CSGALNACT1: variants seen among roughly 807,000 people sequenced by gnomAD.
CSGALNACT1 encodes chondroitin sulfate N-acetylgalactosaminyltransferase 1.
In CSGALNACT1, 52 loss-of-function variants were observed where a neutral mutation model predicts 51.0. That is an observed-to-expected ratio of 1.02 (90% CI 0.82 to 1.29). The LOEUF (loss-of-function observed/expected upper bound fraction) is 1.29, where lower values mean the gene tolerates loss of function less well. Among genes scored for constraint, CSGALNACT1 ranks in the 50% most tolerant of loss-of-function variants. The pLI is 0.00. For synonymous variants in CSGALNACT1, 341 were observed against 254.4 expected, an observed-to-expected ratio of 1.34 and a Z score of -3.24; for missense variants, 935 against 679.2, an observed-to-expected ratio of 1.38 and a Z score of -4.19.
intron 1 of CSGALNACT1, among the ~76,000 whole-genome samples, chr8:19,665,818 T>G (rs1016712540): frequency 5.3e-5 from 8 of 152,222 alleles, no homozygotes; most frequent in African/African-American, 1.9e-4. Flanking sequence ...AAAAATGTGT[T>G]CTTCGCTACG....
chr8:19,579,598 A>G (rs1187673923), intron 3 of CSGALNACT1, among the ~76,000 whole-genome samples: 2 of 152,250 alleles, frequency 1.3e-5, no homozygotes, highest in African/African-American at 4.8e-5. Context: ...CTACCATACT[A>G]TAAGATCCTC....
intron 3 of CSGALNACT1, among the ~76,000 whole-genome samples, chr8:19,511,166 G>T (rs147759116): frequency 1.4e-4 from 22 of 152,348 alleles, no homozygotes; most frequent in African/African-American, 5.3e-4. Flanking sequence ...TACAATGACA[G>T]GCCTTGTAAG....
At chr8:19,536,671 C>T (rs4472532) in intron 3 of CSGALNACT1, among the ~76,000 whole-genome samples, 20,752 of 151,994 alleles carry the variant, frequency 0.14, 1,912 homozygotes, top group African/African-American at 0.26. Flanking sequence ...ATTATAGAAT[C>T]TACGTAAGAA....
intron 3 of CSGALNACT1, among the ~76,000 whole-genome samples, chr8:19,587,297 C>T (rs1284185347): frequency 6.6e-6 from 1 of 152,234 alleles, no homozygotes; most frequent in Admixed American, 6.5e-5. Context: ...TTCAGAAACA[C>T]TGGCTTAGTC....
intron 1 of CSGALNACT1, among the ~76,000 whole-genome samples, chr8:19,756,678 C>T (rs977000522): frequency 6.6e-6 from 1 of 152,134 alleles, no homozygotes; most frequent in Non-Finnish European, 1.5e-5. Flanking sequence ...ACATCCCCCA[C>T]TAGCCCGGTC....
intron 1 of CSGALNACT1, among the ~76,000 whole-genome samples, chr8:19,754,131 G>A (rs1488353595): frequency 7.2e-5 from 11 of 151,966 alleles, no homozygotes; most frequent in East Asian, 5.8e-4. Flanking sequence ...TGGTTCAGGC[G>A]ATTCTCCTGC....
At chr8:19,557,571 G>T (rs2039748646) in intron 3 of CSGALNACT1, among the ~76,000 whole-genome samples, 2 of 152,106 alleles carry the variant, frequency 1.3e-5, no homozygotes, top group Non-Finnish European at 2.9e-5. Flanking sequence ...ACCAGCATTT[G>T]TACTTTCTCT....
chr8:19,606,223 G>A (rs2051345325), upstream of CSGALNACT1, among the ~76,000 whole-genome samples: 1 of 152,184 alleles, frequency 6.6e-6, no homozygotes, highest in African/African-American at 2.4e-5. Context: ...TTCCCAGTGA[G>A]ATCTTCTTTG....
intron 1 of CSGALNACT1, among the ~76,000 whole-genome samples, chr8:19,667,202 C>T (rs1279031786): frequency 6.6e-6 from 1 of 150,620 alleles, no homozygotes. Flanking sequence ...GGGTGGATCG[C>T]TTGAGCTCTG....
At chr8:19,599,265 G>A (rs1268981130) in intron 2 of CSGALNACT1, among the ~76,000 whole-genome samples, 1 of 151,780 alleles carries the variant, frequency 6.6e-6, no homozygotes, top group African/African-American at 2.4e-5. Flanking sequence ...TTGGAAATGT[G>A]GTTCCATTTC....
intron 1 of CSGALNACT1, among the ~76,000 whole-genome samples, chr8:19,620,823 T>C (rs2053727597): frequency 2.0e-5 from 3 of 152,188 alleles, no homozygotes; most frequent in Non-Finnish European, 4.4e-5. Flanking sequence ...CACTCTGGTA[T>C]GTAGCCACGG....
intron 1 of CSGALNACT1, among the ~76,000 whole-genome samples, chr8:19,639,899 A>C (rs930316469): frequency 6.0e-5 from 9 of 150,634 alleles, no homozygotes; most frequent in African/African-American, 2.2e-4. Context: ...TTGTTTTTTT[A>C]ATGAGACAGT....
intron 3 of CSGALNACT1, among the ~76,000 whole-genome samples, chr8:19,512,184 G>A (rs574361708): frequency 1.3e-5 from 2 of 152,316 alleles, no homozygotes; most frequent in South Asian, 2.1e-4. Flanking sequence ...AAGCTGCTGT[G>A]TTGTGAGCAG....
chr8:19,630,321 AAATT>A (rs758324461), intron 1 of CSGALNACT1, among the ~76,000 whole-genome samples: 3 of 152,086 alleles, frequency 2.0e-5, no homozygotes, highest in Non-Finnish European at 4.4e-5. Flanking sequence ...TAATTTAAAA[AAATT>A]AATAGAGTTT....
chr8:19,653,420 T>A (rs1428253647), intron 1 of CSGALNACT1, among the ~76,000 whole-genome samples: 1 of 152,192 alleles, frequency 6.6e-6, no homozygotes, highest in Non-Finnish European at 1.5e-5. Flanking sequence ...GCCTGTTGTG[T>A]GCCTCAGGGG....
intron 2 of CSGALNACT1, among the ~76,000 whole-genome samples, chr8:19,592,837 G>A (rs2048122959): frequency 1.3e-5 from 2 of 152,260 alleles, no homozygotes; most frequent in Middle Eastern, 6.8e-3. Context: ...TCTAAGTAAA[G>A]AACACATAAG....
At chr8:19,423,128 C>T (rs2058210126) in intron 6 of CSGALNACT1, among the ~76,000 whole-genome samples, 1 of 152,112 alleles carries the variant, frequency 6.6e-6, no homozygotes, top group Non-Finnish European at 1.5e-5. Context: ...AGTTCAACTA[C>T]AAAAATACCT....
intron 1 of CSGALNACT1, among the ~76,000 whole-genome samples, chr8:19,690,446 C>T (rs1460929210): frequency 6.6e-6 from 1 of 152,136 alleles, no homozygotes; most frequent in Admixed American, 6.5e-5. Context: ...ACAAAAGCTA[C>T]CACAAGTGTG....
chr8:19,589,392 C>T (rs1356816502), intron 3 of CSGALNACT1, among the ~76,000 whole-genome samples: 1 of 152,202 alleles, frequency 6.6e-6, no homozygotes, highest in East Asian at 1.9e-4. Context: ...CTGGCACGAT[C>T]TTAGCTCACT....
Sources: gnomAD v4.1 joint callset for allele counts (sites outside exome capture counted in the v4.1 genomes callset) on GRCh38, gnomAD v4.1.1 for gene constraint, MANE v1.5 for transcripts, NCBI Gene and HGNC (gene_info 2026-07-23, HGNC 2026-07-21) for gene names.